DNHD1: variants seen among roughly 807,000 people sequenced by gnomAD.
DNHD1 encodes dynein heavy chain domain 1, also known as dynein heavy chain domain-containing protein 1.
In DNHD1, 383 loss-of-function variants were observed where a neutral mutation model predicts 458.1. The observed-to-expected ratio is 0.84, with a 90% confidence interval of 0.77 to 0.91. DNHD1 has a LOEUF of 0.91. DNHD1 is among the 40% of genes least tolerant of loss of function. The pLI, the probability that DNHD1 is intolerant of heterozygous loss-of-function variation, is 0.00. For missense variants in DNHD1, 5,336 were observed against 5,866.1 expected, an observed-to-expected ratio of 0.91 and a Z score of 2.95; for synonymous variants, 2,203 against 2,376.9, an observed-to-expected ratio of 0.93 and a Z score of 2.13.
chr11:6,543,981 AAAAAG>A (rs1853153150), intron 18 of DNHD1, 135 bp from the exon 19 acceptor site: 9 of 741,470 alleles, frequency 1.2e-5, no homozygotes, highest in East Asian at 8.9e-5. Flanking sequence ...AAAAAAAAAA[AAAAAG>A]GGAAAGAAAA....
chr11:6,532,999 C>G (rs575194020), intron 12 of DNHD1, 28 bp from the exon 13 acceptor site: 1 of 1,547,456 alleles, frequency 6.5e-7, no homozygotes, highest in South Asian at 1.2e-5. Context: ...TTTATGCGTC[C>G]CCTCACACCT....
chr11:6,565,932 G>A lies in DNHD1; in HGVS notation c.10994G>A (p.Ser3665Asn). The A allele has an allele frequency of 6.4e-7, 1 of 1,551,630 alleles. No individual in the cohort carries two copies. Among genetic ancestry groups the A allele is most frequent in the Non-Finnish European group, 8.7e-7 (1 of 1,146,980 alleles). The change falls in exon 33 of 43, where the codon AGT (serine) becomes AAT (asparagine). Residue 3665 changes from serine to asparagine, a missense_variant. Ser to Asn is a conservative substitution (Grantham distance 46, BLOSUM62 1). Coordinates refer to ENST00000254579, the MANE Select transcript of DNHD1 (RefSeq NM_144666.3). ...CAGCTTCCATCCCTTCCCTACCTTA[G>A]TGTTCTTTCAGGTGCTGACCCAGAG... The part of the protein sequence containing the change: ...ETQLPSLPYL[S>N]VLSGADPELG...
At chr11:6,528,406 T>C (rs796602436) in intron 10 of DNHD1, 116 bp from the exon 11 acceptor site, 6 of 456,404 alleles carry the variant, frequency 1.3e-5, no homozygotes, top group Non-Finnish European at 2.0e-5. Flanking sequence ...AGCGAATGGG[T>C]GTGTGTGTGT....
intron 24 of DNHD1, among the ~76,000 whole-genome samples, chr11:6,549,239 C>A (rs1853284908): frequency 6.6e-6 from 1 of 152,144 alleles, no homozygotes. Flanking sequence ...CAACCCTGAG[C>A]TCATCATCTC....
rs766223945 is a variant in DNHD1, at chr11:6,520,113, T to C, written c.1785+11T>C. 2.5e-6 allele frequency: 4 copies of C among 1,614,178 alleles called. No homozygotes were observed. Among genetic ancestry groups the C allele is most frequent in the South Asian group, 1.1e-5 (1 of 91,082 alleles). Reference sequence around the variant, plus strand: ...ACCTCTGCCTTGCAGGTATTCTGAATTGGGCAGAGAGCTGGCTGTGGGAAT... The same window carrying C: ...ACCTCTGCCTTGCAGGTATTCTGAACTGGGCAGAGAGCTGGCTGTGGGAAT... On this transcript the variant is annotated intron_variant, in intron 9 of 42. Transcript: ENST00000254579.
At chr11:6,564,168 T>A (rs530730812) in intron 31 of DNHD1, 44 bp downstream of exon 31, 1 of 1,532,672 alleles carries the variant, frequency 6.5e-7, no homozygotes. Flanking sequence ...GTTCCTTTTA[T>A]GCCGTTCGCC....
At chr11:6,521,456 C>T (rs1162986490) in intron 10 of DNHD1, among the ~76,000 whole-genome samples, 1 of 152,066 alleles carries the variant, frequency 6.6e-6, no homozygotes, top group Non-Finnish European at 1.5e-5. Flanking sequence ...CTTAGGTTGT[C>T]CCTTCTACTT....
intron 3 of DNHD1, among the ~76,000 whole-genome samples, chr11:6,501,437 A>G (rs1197392193): frequency 3.3e-5 from 5 of 152,036 alleles, no homozygotes; most frequent in African/African-American, 1.2e-4. Flanking sequence ...AAAATATATC[A>G]TAGAGAATAA....
intron 4 of DNHD1, among the ~76,000 whole-genome samples, chr11:6,506,410 T>C (rs1201432693): frequency 6.6e-6 from 1 of 152,218 alleles, no homozygotes; most frequent in Non-Finnish European, 1.5e-5. Context: ...TTATATTTCA[T>C]ATATTATCCA....
intron 7 of DNHD1, among the ~76,000 whole-genome samples, chr11:6,516,494 C>T (rs1386691190): frequency 6.6e-5 from 10 of 151,188 alleles, no homozygotes; most frequent in Non-Finnish European, 1.2e-4. Flanking sequence ...CATAGGGTTT[C>T]GCCTCATTGG....
Position 6,523,484 on chromosome 11 carries a change from C to T in DNHD1, c.1837+3195C>T, listed in dbSNP as rs144725608. Among the ~76,000 whole-genome samples, 310 of 152,100 alleles carry T rather than the reference C, an allele frequency of 2.0e-3. 1 individual carries two copies. The highest frequency in any genetic ancestry group is 7.3e-3 in the African/African-American group (301 of 41,488). On this transcript the variant is annotated intron_variant, in intron 10 of 42. Transcript: ENST00000254579. ...TAAATATGTTTAACAAGAAGCTTTG[C>T]TCTGTGTGGAATGTCTGAGTCACTC...
Position 6,519,986 on chromosome 11 carries a change from C to T in DNHD1, c.1669C>T (p.Leu557Phe), listed in dbSNP as rs1852572098. 6.2e-7 allele frequency: 1 copy of T among 1,614,074 alleles called. No homozygotes were observed. Among genetic ancestry groups the T allele is most frequent in the African/African-American group, 1.3e-5 (1 of 74,928 alleles). Residue 557 changes from leucine (L) to phenylalanine (F), a missense_variant, in exon 9 of 43, where the codon CTC becomes TTC. Physicochemically the swap from Leu to Phe is conservative, Grantham distance 22. This residue lies in a region of DNHD1 where 3,932 missense variants were observed against 4,365.6 expected (regional missense o/e 0.90). Transcript: ENST00000254579. ...ACAGGCCCCAAGGCAGAAACCCTTT[C>T]TCTCATCACAGCTGGTCTTTGATGA... ...ILQAPRQKPF[L>F]SSQLVFDDHG...
chr11:6,520,150 A>C (rs1490798795), intron 9 of DNHD1, 48 bp downstream of exon 9: 2 of 1,613,548 alleles, frequency 1.2e-6, no homozygotes, highest in Non-Finnish European at 1.7e-6. Context: ...CCCAGTTCCT[A>C]TCCTCTGAGT....
At chr11:6,502,426 C>T (rs1310698363) in intron 3 of DNHD1, among the ~76,000 whole-genome samples, 1 of 152,120 alleles carries the variant, frequency 6.6e-6, no homozygotes, top group Non-Finnish European at 1.5e-5. Flanking sequence ...AAAGTCTTCC[C>T]ATTATTTGTA....
Position 6,553,834 on chromosome 11 carries a change from T to C in DNHD1, c.7388-2849T>C, listed in dbSNP as rs73407184. On this transcript the variant is annotated intron_variant, in intron 24 of 42. Coordinates refer to ENST00000254579, the MANE Select transcript of DNHD1 (RefSeq NM_144666.3). ...TGAAAATGACTAAATATTGCTGAGA[T>C]AGAGGAAATGTAAATAAATGGAGAA... 5.3e-3 allele frequency among the ~76,000 whole-genome samples: 812 copies of C among 152,232 alleles called. 8 individuals are homozygous for C. The highest frequency in any genetic ancestry group is 0.019 in the African/African-American group (782 of 41,550).
chr11:6,529,362 C>T (rs1271552655), intron 12 of DNHD1, among the ~76,000 whole-genome samples: 3 of 152,166 alleles, frequency 2.0e-5, no homozygotes, highest in Non-Finnish European at 4.4e-5. Context: ...GAATCATGTT[C>T]CTGTGCTTGG....
rs1852054431 is a variant in DNHD1, at chr11:6,497,654, G to T, written c.-459G>T. ...CAGAGTGAGCTCTGTCGGTGTGTCA[G>T]TTTGCCTCTTCAGGTGATTGCACGT... On this transcript the variant is annotated 5_prime_UTR_variant, in exon 2 of 43. Transcript: ENST00000254579. 1 of 153,760 alleles carries T rather than the reference G, an allele frequency of 6.5e-6. No individual in the cohort carries two copies. The highest frequency in any genetic ancestry group is 6.5e-5 in the Admixed American group (1 of 15,412). 9.5% of individuals were successfully genotyped at this position (153,760 alleles called of 1,614,324 possible).
In DNHD1 at chr11:6,547,984, T is replaced by C; in HGVS notation, c.6849T>C (p.Ala2283=). The change falls in exon 22 of 43, where the codon GCT becomes GCC. Residue 2283 remains alanine (A), a synonymous_variant. Coordinates refer to ENST00000254579, the MANE Select transcript of DNHD1 (RefSeq NM_144666.3). ...ATAAGTGCAGGGAACACTTGCTGGC[T>C]GTCAGCAGTTTTCTTTTTGCCTTGA... ...VPDKCREHLL[A]VSSFLFALIW... 6.4e-7 allele frequency: 1 copy of C among 1,551,770 alleles called. No individual in the cohort carries two copies. The highest frequency in any genetic ancestry group is 1.2e-5 in the South Asian group (1 of 84,056).
rs1057071752 is a variant in DNHD1 at position 6,570,307 on chromosome 11, T to G, written c.13016T>G (p.Leu4339Arg). 3 of 1,613,448 alleles carry G rather than the reference T, an allele frequency of 1.9e-6. No individual in the cohort carries two copies. The Admixed American group carries it at 5.0e-5, about 27-fold the overall frequency. ...GAGGACAGGGAGGCCCTGATTAGCC[T>G]CACACAAGCCTGCCTGAGCCCCAGT... ...DTEDREALIS[L>R]TQACLSPSSG... The change falls in exon 41 of 43, where the codon CTC (leucine) becomes CGC (arginine). Residue 4339 changes from leucine (L) to arginine (R), a missense_variant. Around this residue, in one of 4 missense-constraint regions of DNHD1, gnomAD observed 698 missense variants for 664.9 expected, o/e 1.05. Transcript: ENST00000254579.
Sources: gnomAD v4.1 joint callset for allele counts (sites outside exome capture counted in the v4.1 genomes callset) on GRCh38, gnomAD v4.1.1 for gene constraint, gnomAD v4.1.1 regional missense constraint, MANE v1.5 for transcripts, NCBI Gene and HGNC (gene_info 2026-07-23, HGNC 2026-07-21) for gene names.